Variants in ABCA6 observed in about 807,000 individuals in gnomAD.
ABCA6 encodes ATP-binding cassette sub-family A member 6.
ABCA6 carries 164 observed loss-of-function variants against 191.2 expected under a neutral mutation model. The ratio of observed to expected loss-of-function variants is 0.86; its 90% CI spans 0.76 to 0.98. The LOEUF (loss-of-function observed/expected upper bound fraction) is 0.98. Among genes scored for constraint, ABCA6 ranks in the 50% least tolerant of loss-of-function variants. The pLI is 0.00. For synonymous variants in ABCA6, 636 were observed against 647.7 expected, an observed-to-expected ratio of 0.98 and a Z score of 0.27; for missense variants, 1,958 against 1,894.1, an observed-to-expected ratio of 1.03 and a Z score of -0.63.
chr17:69,096,210 T>C (rs757752460), intron 25 of ABCA6, 30 bp downstream of exon 25: 2 of 1,115,792 alleles, frequency 1.8e-6, no homozygotes. Context: ...AATAACACTA[T>C]TTCTCTATTT....
chr17:69,132,961 C>T (rs943154627), intron 6 of ABCA6, among the ~76,000 whole-genome samples: 25 of 152,060 alleles, frequency 1.6e-4, no homozygotes, highest in Admixed American at 9.2e-4. Context: ...GTATACATAG[C>T]ACATATGTAT....
rs2073826701 is a variant in ABCA6 at position 69,129,660 on chromosome 17, T to G, written c.883A>C (p.Thr295Pro). The stretch of plus-strand genomic sequence containing the variant: ...AGTATAAATATGACCATGAAGCCAG[T>G]CATGACTATAATTTGGGTGAATGTT... ...IITFTQIIVMTGFMVIFILFF... is the reference protein window; with the variant it reads ...IITFTQIIVMPGFMVIFILFF... Residue 295 changes from threonine to proline, a missense_variant, in exon 7 of 39, where the codon ACT becomes CCT. By Grantham distance (38) the Thr-to-Pro change is conservative. Transcript: ENST00000284425. 1.9e-6 allele frequency: 3 copies of G among 1,604,914 alleles called. No homozygotes were observed. The highest frequency in any genetic ancestry group is 2.6e-6 in the Non-Finnish European group (3 of 1,173,388).
At chr17:69,106,810 C>A (rs1211654468) in intron 18 of ABCA6, among the ~76,000 whole-genome samples, 1 of 151,742 alleles carries the variant, frequency 6.6e-6, no homozygotes, top group Non-Finnish European at 1.5e-5. Context: ...ACAGTGCAAA[C>A]AATATAAGAA....
intron 20 of ABCA6, among the ~76,000 whole-genome samples, chr17:69,103,539 G>A (rs1010679378): frequency 5.9e-5 from 9 of 152,128 alleles, no homozygotes; most frequent in Admixed American, 5.9e-4. Context: ...TGACCCTGAA[G>A]AAGAAAGCAG....
intron 37 of ABCA6, among the ~76,000 whole-genome samples, chr17:69,079,536 T>C (rs577122669): frequency 1.3e-5 from 2 of 152,320 alleles, no homozygotes; most frequent in African/African-American, 4.8e-5. Context: ...CATATGTTCT[T>C]TGAAGAACTA....
At position 69,078,930 on chromosome 17, in the gene ABCA6, T is replaced by C. The variant is rs547531534; in HGVS notation, c.*43A>G. ...ATACTATTAATTATTACATAAAACA[T>C]GAGTTTATAGGAGATCAACAAAAAA... On this transcript the variant is annotated 3_prime_UTR_variant, in exon 39 of 39. Coordinates refer to ENST00000284425, the MANE Select transcript of ABCA6 (RefSeq NM_080284.3). 41 of 1,154,468 alleles carry C rather than the reference T, an allele frequency of 3.6e-5. No individual in the cohort carries two copies. The African/African-American group carries it at 4.9e-4, about 14-fold the overall frequency. 71.5% of individuals were successfully genotyped at this position (1,154,468 alleles called of 1,614,324 possible).
Position 69,083,006 on chromosome 17 carries a change from C to A in ABCA6, c.4483G>T (p.Gly1495Cys). 1 of 1,614,004 alleles carries A rather than the reference C, an allele frequency of 6.2e-7. No individual in the cohort carries two copies. The highest frequency in any genetic ancestry group is 8.5e-7 in the Non-Finnish European group (1 of 1,179,992). Residue 1495 changes from glycine to cysteine, a missense_variant, in exon 36 of 39, where the codon GGC becomes TGC. Transcript: ENST00000284425. ...TTGTTTTTCAGGTGTTGGATGGAGC[C>A]AATGCATCTATGGGCAAGAAAGAGA... ...IMVSGRLRCI[G>C]SIQHLKNKLG...
chr17:69,107,890 A>T, intron 17 of ABCA6, 78 bp from the exon 18 acceptor site: 1 of 857,718 alleles, frequency 1.2e-6, no homozygotes, highest in Non-Finnish European at 1.9e-6. Context: ...ACTTATTTAA[A>T]AGACAATACA....
Position 69,091,266 on chromosome 17 carries a change from C to G in ABCA6, c.3409-4G>C, listed in dbSNP as rs765136277. On this transcript the variant is annotated splice_region_variant and splice_polypyrimidine_tract_variant and intron_variant, in intron 25 of 38. Coordinates refer to ENST00000284425, the MANE Select transcript of ABCA6 (RefSeq NM_080284.3). ...TGGAAAACATGATGGTGGAGGCCTA[C>G]AAGGCAAGTTCAAATATATTGTATC... 3 of 1,609,130 alleles carry G rather than the reference C, an allele frequency of 1.9e-6. No individual in the cohort carries two copies. In the South Asian group the frequency reaches 3.3e-5, roughly 18 times the overall value.
Position 69,114,800 on chromosome 17 carries a change from T to C in ABCA6, c.1744A>G (p.Lys582Glu), listed in dbSNP as rs138313359. 4.1e-5 allele frequency: 66 copies of C among 1,612,500 alleles called. No homozygotes were observed. The African/African-American group carries it at 7.3e-4, about 18-fold the overall frequency. The change falls in exon 13 of 39, where the codon AAA (lysine) becomes GAA (glutamate). Residue 582 changes from lysine (K) to glutamate (E), a missense_variant. Coordinates refer to ENST00000284425, the MANE Select transcript of ABCA6 (RefSeq NM_080284.3). ...TVKENLSLFA[K>E]IKGIHLKEVE... ...TCCTTTAGATGAATCCCTTTTATTT[T>C]AGCAAACAGGCTGAGGTTTTCCTTC... is the stretch of plus-strand genomic sequence containing the variant.
At chr17:69,128,936 T>G (rs2073808392) in intron 7 of ABCA6, 132 bp from the exon 8 acceptor site, 2 of 683,430 alleles carry the variant, frequency 2.9e-6, no homozygotes, top group South Asian at 2.6e-5. Flanking sequence ...GTGAAAATAT[T>G]AAGGTATAAT....
rs2144674566 is a variant in ABCA6, at chr17:69,113,638, T to C, written c.1882A>G (p.Thr628Ala). Reference protein sequence around the residue: ...GQKRKLTFGITILGDPQILLL... With the variant: ...GQKRKLTFGIAILGDPQILLL... Reference sequence around the variant, plus strand: ...CTTACTTGAGGATCTCCTAAAATGGTAATCCCAAAAGTCAGCTTTCTTTTC... The same window carrying C: ...CTTACTTGAGGATCTCCTAAAATGGCAATCCCAAAAGTCAGCTTTCTTTTC... Residue 628 changes from threonine (T) to alanine (A), a missense_variant, in exon 14 of 39, where the codon ACC becomes GCC. Transcript: ENST00000284425. The C allele has an allele frequency of 1.2e-6, 2 of 1,613,046 alleles. No homozygotes were observed. Among genetic ancestry groups the C allele is most frequent in the South Asian group, 1.1e-5 (1 of 91,044 alleles).
In ABCA6 at chr17:69,085,032, C is replaced by T. The variant is rs1173154389; in HGVS notation, c.4180G>A (p.Ala1394Thr). Residue 1394 changes from alanine to threonine, a missense_variant, in exon 32 of 39, where the codon GCA (alanine) becomes ACA (threonine). Physicochemically the swap from Ala to Thr is moderately conservative, Grantham distance 58 (BLOSUM62 0). Coordinates refer to ENST00000284425, the MANE Select transcript of ABCA6 (RefSeq NM_080284.3). ...LRKADARLAI[A>T]RLVSAFKLHE... ...AATCGCAGGTCCCGTCTGTACCTTG[C>T]GATGGCGAGCCTCGCGTCCGCTTTC... 2.5e-6 allele frequency: 4 copies of T among 1,608,638 alleles called. No homozygotes were observed. Among genetic ancestry groups the T allele is most frequent in the Non-Finnish European group, 3.4e-6 (4 of 1,178,568 alleles).
At chr17:69,137,949 A>G (rs1464520130) in intron 2 of ABCA6, among the ~76,000 whole-genome samples, 1 of 152,200 alleles carries the variant, frequency 6.6e-6, no homozygotes, top group South Asian at 2.1e-4. Context: ...ATTGCTGTTC[A>G]CCAATGTCAA....
intron 26 of ABCA6, among the ~76,000 whole-genome samples, chr17:69,090,127 G>A (rs2072892280): frequency 1.3e-5 from 2 of 152,196 alleles, no homozygotes; most frequent in Admixed American, 1.3e-4. Flanking sequence ...AATGCTTTAA[G>A]CAAAGGGATT....
intron 11 of ABCA6, 127 bp from the exon 12 acceptor site, chr17:69,115,613 T>A: frequency 1.8e-6 from 1 of 547,474 alleles, no homozygotes; most frequent in Non-Finnish European, 3.1e-6. Context: ...TTCAATACTT[T>A]AAAATACACA....
At chr17:69,087,876 C>T (rs996361202) in intron 28 of ABCA6, among the ~76,000 whole-genome samples, 2 of 152,190 alleles carry the variant, frequency 1.3e-5, no homozygotes, top group African/African-American at 4.8e-5. Context: ...TAAATCGATT[C>T]CTTCCCATCT....
At chr17:69,128,896 A>G in intron 7 of ABCA6, 92 bp from the exon 8 acceptor site, 1 of 960,942 alleles carries the variant, frequency 1.0e-6, no homozygotes, top group Non-Finnish European at 1.5e-6. Flanking sequence ...TTTTTATATC[A>G]TAACATAAAT....
chr17:69,111,164 T>C, intron 16 of ABCA6: 1 of 372,084 alleles, frequency 2.7e-6, no homozygotes, highest in Non-Finnish European at 4.8e-6. Context: ...TACAAACAAA[T>C]ATATAATGTA....
Sources: allele counts gnomAD v4.1 joint callset (sites outside exome capture counted in the v4.1 genomes callset), GRCh38; gene constraint gnomAD v4.1.1; transcripts MANE v1.5; gene names NCBI Gene and HGNC (gene_info 2026-07-23, HGNC 2026-07-21).